Variants in MAN2C1 observed in about 807,000 individuals in gnomAD.
The protein encoded by MAN2C1 is mannosidase alpha class 2C member 1.
In MAN2C1, 111 loss-of-function variants were observed where a neutral mutation model predicts 126.9. The observed-to-expected ratio is 0.87, with a 90% CI of 0.75 to 1.02. The LOEUF is 1.02. Among genes scored for constraint, MAN2C1 ranks in the 50% least tolerant of loss-of-function variants. The pLI, the probability that MAN2C1 is intolerant of heterozygous loss-of-function variation, is 0.00. For missense variants in MAN2C1, 1,363 were observed against 1,364.4 expected, an observed-to-expected ratio of 1.00 and a Z score of 0.02; for synonymous variants, 567 against 561.5, an observed-to-expected ratio of 1.01 and a Z score of -0.14.
At chr15:75,358,046 T>C (rs1282617246) in intron 21 of MAN2C1, 155 bp downstream of exon 21, 2 of 932,260 alleles carry the variant, frequency 2.1e-6, no homozygotes, top group African/African-American at 3.3e-5. Flanking sequence ...TGAGCCACTG[T>C]GCCTTGCCAA....
At position 75,356,272 on chromosome 15, in the gene MAN2C1, C is replaced by T. The variant is rs1466273282; in HGVS notation, c.2886+29G>A. On this transcript the variant is annotated intron_variant, in intron 24 of 25. Transcript: ENST00000267978. The surrounding 1 kb of genome is among the most constrained non-coding windows in gnomAD (Gnocchi z 5.8). ...GGCCGAGGGCAGGCCCAGTTCGGAA[C>T]CCCGTCCCCAGCACGTCCCACCCCT... is the stretch of plus-strand genomic sequence containing the variant. 1 of 1,611,964 alleles carries T rather than the reference C, an allele frequency of 6.2e-7. No homozygotes were observed. Among genetic ancestry groups the T allele is most frequent in the East Asian group, 2.2e-5 (1 of 44,802 alleles).
Position 75,366,819 on chromosome 15 carries a change from C to T in MAN2C1, c.352-227G>A, listed in dbSNP as rs370358109. 2.4e-3 allele frequency among the ~76,000 whole-genome samples: 361 copies of T among 152,332 alleles called. 1 individual carries two copies. The highest frequency in any genetic ancestry group is 8.2e-3 in the African/African-American group (339 of 41,558). On this transcript the variant is annotated intron_variant, in intron 3 of 25. Coordinates refer to ENST00000267978, the MANE Select transcript of MAN2C1 (RefSeq NM_006715.4). The stretch of plus-strand genomic sequence containing the variant: ...TAGCCCCTGTTTACCAGTGGCAAAC[C>T]CATGGTCTTATGGGAAGGGCCCTGG...
At position 75,355,996 on chromosome 15, in the gene MAN2C1, G is replaced by C. The variant is rs766535676; in HGVS notation, c.3033C>G (p.His1011Gln). Reference protein sequence around the residue: ...DLLERPDPAGHLTLRDNRLKL... With the variant: ...DLLERPDPAGQLTLRDNRLKL... ...TCAGGCGGTTGTCCCGAAGGGTCAAGTGGCCAGCAGGGTCTGGTCGCTCCA... is the reference window on the plus strand; with the variant it reads ...TCAGGCGGTTGTCCCGAAGGGTCAACTGGCCAGCAGGGTCTGGTCGCTCCA... The change falls in exon 26 of 26, where the codon CAC (histidine) becomes CAG (glutamine). Residue 1011 changes from histidine to glutamine, a missense_variant. Physicochemically the swap from His to Gln is conservative, Grantham distance 24. Transcript: ENST00000267978. 2.3e-5 allele frequency: 37 copies of C among 1,614,132 alleles called. No homozygotes were observed. The highest frequency in any genetic ancestry group is 3.1e-5 in the Non-Finnish European group (36 of 1,180,004).
chr15:75,358,200 C>G lies in MAN2C1; in HGVS notation c.2547+1G>C, dbSNP rs757919438. ...GCCACTCCCACCCTGCCATGTCAGA[C>G]CTCAAATCGAGCCCAGTCCCAAGAG... On this transcript the variant is annotated splice_donor_variant, in intron 21 of 25. Coordinates refer to ENST00000267978, the MANE Select transcript of MAN2C1 (RefSeq NM_006715.4). LOFTEE classifies it high-confidence loss of function. 1 of 1,614,088 alleles carries G rather than the reference C, an allele frequency of 6.2e-7. No homozygotes were observed. Among genetic ancestry groups the G allele is most frequent in the South Asian group, 1.1e-5 (1 of 91,074 alleles).
At chr15:75,359,452 C>T in intron 16 of MAN2C1, 27 bp from the exon 17 acceptor site, 1 of 1,599,962 alleles carries the variant, frequency 6.3e-7, no homozygotes, top group Non-Finnish European at 8.5e-7. Context: ...GGCATCAGTG[C>T]AGCCTTCCTG....
At chr15:75,360,344 G>A in intron 13 of MAN2C1, 133 bp from the exon 14 acceptor site, 1 of 1,341,092 alleles carries the variant, frequency 7.5e-7, no homozygotes, top group Non-Finnish European at 1.0e-6. Flanking sequence ...CGGGTGACCT[G>A]CCTTAAATGC....
chr15:75,358,000 C>T, intron 21 of MAN2C1: 1 of 595,234 alleles, frequency 1.7e-6, no homozygotes, highest in Non-Finnish European at 2.9e-6. Context: ...GGTGATCCAC[C>T]CACCTCGGCC....
chr15:75,359,551 A>C, intron 16 of MAN2C1, 69 bp downstream of exon 16: 1 of 1,588,786 alleles, frequency 6.3e-7, no homozygotes. Flanking sequence ...CCCTCGGGGT[A>C]TCCCAGGCCT....
intron 3 of MAN2C1, among the ~76,000 whole-genome samples, chr15:75,367,216 A>G (rs1039197425): frequency 6.6e-6 from 1 of 152,166 alleles, no homozygotes; most frequent in Non-Finnish European, 1.5e-5. Flanking sequence ...TGGAGCATGA[A>G]TAAGACACTT....
intron 6 of MAN2C1, chr15:75,363,224 C>T (rs1214580048): frequency 2.2e-6 from 1 of 456,438 alleles, no homozygotes; most frequent in East Asian, 6.9e-5. Flanking sequence ...CATCTTGGCA[C>T]AGCAGAGAAA....
At position 75,363,062 on chromosome 15, in the gene MAN2C1, C is replaced by G. The variant is rs1003283221; in HGVS notation, c.791-314G>C. On this transcript the variant is annotated intron_variant, in intron 6 of 25. Coordinates refer to ENST00000267978, the MANE Select transcript of MAN2C1 (RefSeq NM_006715.4). ...TCCTACGAGAAGTAGCAGGGACTAC[C>G]CTGCCCCTGCACAAACTTGATGTAT... is the stretch of plus-strand genomic sequence containing the variant. 2.4e-5 allele frequency: 10 copies of G among 410,854 alleles called. No homozygotes were observed. In the Admixed American group the frequency reaches 2.8e-4, roughly 12 times the overall value. 25.5% of individuals were successfully genotyped at this position (410,854 alleles called of 1,614,324 possible).
At position 75,358,694 on chromosome 15, in the gene MAN2C1, C is replaced by CAGCCCATACCACATGCTGCCT. The variant is rs1567274256; in HGVS notation, c.2246+9_2246+10insAGGCAGCATGTGGTATGGGCT. On this transcript the variant is annotated intron_variant, in intron 19 of 25. Coordinates refer to ENST00000267978, the MANE Select transcript of MAN2C1 (RefSeq NM_006715.4). ...ACCTCCACCATCCCCACATGCTGCC[C>CAGCCCATACCACATGCTGCCT]AGCCTATACCGTGTCTCCAGGTGGT... The CAGCCCATACCACATGCTGCCT allele has an allele frequency of 1.2e-6, 2 of 1,613,690 alleles. No homozygotes were observed. The highest frequency in any genetic ancestry group is 1.7e-5 in the Admixed American group (1 of 60,024).
Position 75,358,526 on chromosome 15 carries a change from T to C in MAN2C1, c.2339A>G (p.Asn780Ser), listed in dbSNP as rs1227193889. Residue 780 changes from asparagine to serine, a missense_variant, in exon 20 of 26, where the codon AAC becomes AGC. This residue lies in a region of MAN2C1 where 668 missense variants were observed against 650.1 expected (regional missense o/e 1.03). Coordinates refer to ENST00000267978, the MANE Select transcript of MAN2C1 (RefSeq NM_006715.4). ...CACAACCTCCTGGCTAAGCCGACTG[T>C]TGGGGCTGATCTGTAGCAAGAACCA... ...SAWFLLQISP[N>S]SRLSQEVVLD... 11 of 1,613,470 alleles carry C rather than the reference T, an allele frequency of 6.8e-6. No individual in the cohort carries two copies. Among genetic ancestry groups the C allele is most frequent in the Middle Eastern group, 1.6e-4 (1 of 6,062 alleles).
intron 19 of MAN2C1, 38 bp downstream of exon 19, chr15:75,358,666 A>C (rs754170057): frequency 7.6e-7 from 1 of 1,307,630 alleles, no homozygotes; most frequent in African/African-American, 2.2e-5. Context: ...CTGTGTTCCC[A>C]CCACCTCCAC....
intron 4 of MAN2C1, chr15:75,365,931 A>G: frequency 6.9e-6 from 3 of 436,962 alleles, no homozygotes; most frequent in Non-Finnish European, 1.4e-5. Context: ...CCAAAAATAA[A>G]AAAAAAATAG....
At chr15:75,365,921 C>T (rs908770598) in intron 4 of MAN2C1, 5 of 435,622 alleles carry the variant, frequency 1.1e-5, no homozygotes, top group Middle Eastern at 1.2e-3. Flanking sequence ...CCTTTCTCTA[C>T]CAAAAATAAA....
Position 75,359,167 on chromosome 15 carries a change from G to C in MAN2C1, c.2047-14C>G, listed in dbSNP as rs1042953722. On this transcript the variant is annotated splice_polypyrimidine_tract_variant and intron_variant, in intron 17 of 25. Coordinates refer to ENST00000267978, the MANE Select transcript of MAN2C1 (RefSeq NM_006715.4). ...GGAGCCATCAGTCTTTGTGGGAGGA[G>C]GCCTTGAGGCTGAGTCTGTAGGGGC... 5 of 1,613,750 alleles carry C rather than the reference G, an allele frequency of 3.1e-6. No homozygotes were observed. In the East Asian group the frequency reaches 1.1e-4, roughly 36 times the overall value.
At chr15:75,358,873 G>A in intron 18 of MAN2C1, 65 bp from the exon 19 acceptor site, 5 of 1,431,892 alleles carry the variant, frequency 3.5e-6, no homozygotes, top group Non-Finnish European at 4.9e-6. Flanking sequence ...TGCTCTTGGT[G>A]GGGTAGGGTG....
chr15:75,359,639 C>T lies in MAN2C1; in HGVS notation c.1929G>A (p.Pro643=), dbSNP rs371068554. 14 of 1,613,944 alleles carry T rather than the reference C, an allele frequency of 8.7e-6. No homozygotes were observed. The highest frequency in any genetic ancestry group is 4.0e-5 in the African/African-American group (3 of 74,936). ...KRIEVMALPK[P]GGAHSLALVT... is the part of the protein sequence containing the mutation. Reference sequence around the variant, plus strand: ...TCGTACCTAGGCTGTGGGCCCCGCCCGGTTTGGGCAGGGCCATCACTTCGA... The same window carrying T: ...TCGTACCTAGGCTGTGGGCCCCGCCTGGTTTGGGCAGGGCCATCACTTCGA... Residue 643 remains proline (P), a synonymous_variant, in exon 16 of 26, where the codon CCG becomes CCA. Coordinates refer to ENST00000267978, the MANE Select transcript of MAN2C1 (RefSeq NM_006715.4).
Sources: allele counts gnomAD v4.1 joint callset (sites outside exome capture counted in the v4.1 genomes callset), GRCh38; gene constraint gnomAD v4.1.1; regional missense constraint gnomAD v4.1.1; non-coding constraint Gnocchi (gnomAD v3.1); transcripts MANE v1.5; gene names NCBI Gene and HGNC (gene_info 2026-07-23, HGNC 2026-07-21).